PCDHA1: variants seen among roughly 807,000 people sequenced by gnomAD.
PCDHA1 encodes protocadherin alpha 1, also known as protocadherin alpha-1.
PCDHA1 carries 42 observed loss-of-function variants against 61.3 expected under a neutral mutation model. The observed-to-expected ratio is 0.69, with a 90% confidence interval of 0.54 to 0.89. PCDHA1 has a LOEUF of 0.89. PCDHA1 is among the 40% of genes least tolerant of loss of function. The pLI is 0.00. For missense variants in PCDHA1, 1,256 were observed against 1,235.3 expected (o/e 1.02, Z -0.25); for synonymous variants, 610 against 553.8 (o/e 1.10, Z -1.43).
At chr5:140,795,372 A>G (rs1369948884) in intron 1 of PCDHA1, 5 of 1,614,060 alleles carry the variant, frequency 3.1e-6, no homozygotes, top group Admixed American at 1.7e-5. Flanking sequence ...TTCCAATGAC[A>G]GTAAAGACTA....
At chr5:140,967,972 G>A (rs781888174) in intron 1 of PCDHA1, 88 of 1,614,072 alleles carry the variant, frequency 5.5e-5, no homozygotes, top group Non-Finnish European at 7.3e-5. Flanking sequence ...AAGTGAGCCT[G>A]GGTCTGGAGG....
At chr5:140,838,077 AGTGTGTGTGTGTGTGTGTGTGTGT>A (rs57130401) in intron 1 of PCDHA1, among the ~76,000 whole-genome samples, 5 of 80,700 alleles carry the variant, frequency 6.2e-5, no homozygotes, top group South Asian at 4.3e-4. Context: ...ATATATATAT[AGTGTGTGTGTGTGTGTGTGTGTGT>A]GTGTGTGTGT....
chr5:140,851,183 C>A, intron 1 of PCDHA1: 2 of 1,240,836 alleles, frequency 1.6e-6, no homozygotes, highest in Non-Finnish European at 1.0e-6. Context: ...ACTTGAAAAC[C>A]AATTTAGTTG....
intron 1 of PCDHA1, among the ~76,000 whole-genome samples, chr5:140,891,372 G>A (rs1256551608): frequency 1.3e-5 from 2 of 151,962 alleles, no homozygotes; most frequent in Non-Finnish European, 2.9e-5. Flanking sequence ...AGTATACATT[G>A]CACCATATTT....
chr5:140,822,807 T>TAA (rs2150119555), intron 1 of PCDHA1: 1 of 1,614,176 alleles, frequency 6.2e-7, no homozygotes, highest in South Asian at 1.1e-5. Flanking sequence ...ATGTGAATGA[T>TAA]AATACCCCAG....
rs571904104 is a variant in PCDHA1, at chr5:140,891,379, AT to A, written c.2395-87567del. On this transcript the variant is annotated intron_variant, in intron 1 of 3. Transcript: ENST00000504120. ...ACCTGAGCAGTATACATTGCACCATATTTGCAATCTTTTATCCCTCGCCACC... is the reference window on the plus strand; with the variant it reads ...ACCTGAGCAGTATACATTGCACCATATTGCAATCTTTTATCCCTCGCCACC... Among the ~76,000 whole-genome samples, 7 of 151,980 alleles carry A rather than the reference AT, an allele frequency of 4.6e-5. No individual in the cohort carries two copies. In the South Asian group the frequency reaches 1.5e-3, roughly 32 times the overall value.
chr5:140,908,405 C>T (rs2073952752), intron 1 of PCDHA1, among the ~76,000 whole-genome samples: 1 of 152,150 alleles, frequency 6.6e-6, no homozygotes, highest in Non-Finnish European at 1.5e-5. Flanking sequence ...ATACCACTTC[C>T]ATTTGATGAT....
intron 1 of PCDHA1, among the ~76,000 whole-genome samples, chr5:140,965,210 T>C (rs1554227481): frequency 6.6e-6 from 1 of 152,214 alleles, no homozygotes; most frequent in Non-Finnish European, 1.5e-5. Context: ...TTCAAATTCC[T>C]GTGGAAGAAA....
rs148283153 is a variant in PCDHA1, at chr5:140,857,227, G to A, written c.2394+68543G>A. 3.8e-6 allele frequency: 6 copies of A among 1,598,330 alleles called. No individual in the cohort carries two copies. The African/African-American group carries it at 4.0e-5, about 11-fold the overall frequency. ...CCTGCTCTCTGACGCCTCACGTTCCGTTCAAGCTGGTGTCCACCTACAAGA... is the reference window on the plus strand; with the variant it reads ...CCTGCTCTCTGACGCCTCACGTTCCATTCAAGCTGGTGTCCACCTACAAGA... On this transcript the variant is annotated intron_variant, in intron 1 of 3. Coordinates refer to ENST00000504120, the MANE Select transcript of PCDHA1 (RefSeq NM_018900.4).
intron 1 of PCDHA1, among the ~76,000 whole-genome samples, chr5:140,889,476 C>G (rs2062241146): frequency 6.6e-6 from 1 of 152,054 alleles, no homozygotes; most frequent in South Asian, 2.1e-4. Flanking sequence ...TATGCTCATA[C>G]TTTCTACAGA....
At chr5:140,986,460 G>A (rs1489873666) in intron 3 of PCDHA1, among the ~76,000 whole-genome samples, 1 of 152,176 alleles carries the variant, frequency 6.6e-6, no homozygotes, top group Admixed American at 6.5e-5. Flanking sequence ...TTTAATGAAT[G>A]CCCTCTTGTG....
chr5:140,967,278 G>A (rs2096121968), intron 1 of PCDHA1: 1 of 1,613,290 alleles, frequency 6.2e-7, no homozygotes. Flanking sequence ...CACATAGAGA[G>A]TGCGCAGGAC....
At chr5:141,007,980 A>G (rs533342900) in intron 3 of PCDHA1, among the ~76,000 whole-genome samples, 1 of 152,338 alleles carries the variant, frequency 6.6e-6, no homozygotes, top group East Asian at 1.9e-4. Context: ...TGTCATGTAT[A>G]TATGAAATGT....
At chr5:140,870,029 A>T (rs1201766971) in intron 1 of PCDHA1, 4 of 1,613,792 alleles carry the variant, frequency 2.5e-6, no homozygotes, top group Non-Finnish European at 3.4e-6. Flanking sequence ...ACTTTAGATT[A>T]TGAAGAAAAC....
chr5:140,853,365 G>C (rs2150531166), intron 1 of PCDHA1: 504,759 of 981,110 alleles, frequency 0.51, 151,971 homozygotes, highest in South Asian at 0.62. Flanking sequence ...CAGGGATCCA[G>C]AGATGGTAAA....
chr5:140,966,061 C>T (rs2095963591), intron 1 of PCDHA1, among the ~76,000 whole-genome samples: 1 of 152,222 alleles, frequency 6.6e-6, no homozygotes, highest in Non-Finnish European at 1.5e-5. Flanking sequence ...CCCAGAGCGC[C>T]TCCCCCTGCG....
chr5:140,932,710 C>T (rs2088563538), intron 1 of PCDHA1, among the ~76,000 whole-genome samples: 1 of 151,522 alleles, frequency 6.6e-6, no homozygotes, highest in African/African-American at 2.4e-5. Context: ...ATAGACAACA[C>T]AATAATATTG....
At position 141,010,950 on chromosome 5, in the gene PCDHA1, A is replaced by G. The variant is rs1278386004; in HGVS notation, c.*1013A>G. The G allele has an allele frequency of 6.5e-6, 1 of 153,760 alleles. No homozygotes were observed. Among genetic ancestry groups the G allele is most frequent in the Admixed American group, 6.5e-5 (1 of 15,284 alleles). 9.5% of individuals were successfully genotyped at this position (153,760 alleles called of 1,614,324 possible). A position where few individuals can be genotyped will look rare whatever the true frequency, so the allele number is the denominator to read the frequency against. ...TCAGTCTACAGCCATTTAAATGATC[A>G]TTGCTGCTACAGAAGTGCTTTAAGA... is the stretch of plus-strand genomic sequence containing the variant. On this transcript the variant is annotated 3_prime_UTR_variant, in exon 4 of 4. Coordinates refer to ENST00000504120, the MANE Select transcript of PCDHA1 (RefSeq NM_018900.4).
intron 1 of PCDHA1, chr5:140,966,824 A>G (rs1463208532): frequency 1.3e-6 from 2 of 1,559,876 alleles, no homozygotes; most frequent in Admixed American, 1.9e-5. Flanking sequence ...CCGGCGGCCC[A>G]TGCCCTGGCT....
Sources: allele counts gnomAD v4.1 joint callset (sites outside exome capture counted in the v4.1 genomes callset), GRCh38; gene constraint gnomAD v4.1.1; transcripts MANE v1.5; gene names NCBI Gene and HGNC (gene_info 2026-07-23, HGNC 2026-07-21).